The following TAFA5 variants were observed in gnomAD, a reference collection of about 807,000 sequenced individuals.
TAFA5 encodes the protein chemokine-like protein TAFA-5.
TAFA5 carries 6 observed loss-of-function variants against 15.3 expected under a neutral mutation model. The observed-to-expected ratio is 0.39, with a 90% CI of 0.21 to 0.77. The LOEUF (loss-of-function observed/expected upper bound fraction) is 0.77. Among genes scored for constraint, TAFA5 ranks in the 30% least tolerant of loss-of-function variants. TAFA5 has a pLI of 0.41. For synonymous variants in TAFA5, 103 were observed against 80.7 expected, an observed-to-expected ratio of 1.28 and a Z score of -1.48; for missense variants, 161 against 193.1, an observed-to-expected ratio of 0.83 and a Z score of 0.98.
intron 1 of TAFA5, among the ~76,000 whole-genome samples, chr22:48,606,878 C>T (rs1925211938): frequency 1.3e-5 from 2 of 152,232 alleles, no homozygotes; most frequent in Non-Finnish European, 2.9e-5. Flanking sequence ...CCCGTGATGG[C>T]TGGTGCCAGG....
At chr22:48,508,668 T>G (rs1921100222) in intron 1 of TAFA5, among the ~76,000 whole-genome samples, 1 of 152,200 alleles carries the variant, frequency 6.6e-6, no homozygotes, top group African/African-American at 2.4e-5. Context: ...CTGATATTTT[T>G]CTCTTTTTGT....
chr22:48,656,283 T>C (rs979463410), intron 2 of TAFA5, among the ~76,000 whole-genome samples: 6 of 151,944 alleles, frequency 3.9e-5, no homozygotes, highest in Non-Finnish European at 8.8e-5. Flanking sequence ...CTTGTAATAC[T>C]CCCATTATTA....
chr22:48,727,467 CA>C (rs894171301), intron 3 of TAFA5, among the ~76,000 whole-genome samples: 5 of 152,024 alleles, frequency 3.3e-5, no homozygotes, highest in African/African-American at 4.8e-5. Context: ...CAAATAGAGA[CA>C]AAATATAATT....
rs1027109464 is a variant in TAFA5, at chr22:48,750,078, C to T, written c.*231C>T. Reference sequence around the variant, plus strand: ...CACATAGGCGGGGGGCGGCACCTGGCATCAGCAATACGCAGTCTGTGGGAG... The same window carrying T: ...CACATAGGCGGGGGGCGGCACCTGGTATCAGCAATACGCAGTCTGTGGGAG... On this transcript the variant is annotated 3_prime_UTR_variant, in exon 4 of 4. Coordinates refer to ENST00000402357, the MANE Select transcript of TAFA5 (RefSeq NM_001082967.3). 1.9e-5 allele frequency: 11 copies of T among 589,364 alleles called. No individual in the cohort carries two copies. Among genetic ancestry groups the T allele is most frequent in the African/African-American group, 7.5e-5 (4 of 53,368 alleles). 36.5% of individuals were successfully genotyped at this position (589,364 alleles called of 1,614,324 possible).
intron 3 of TAFA5, among the ~76,000 whole-genome samples, chr22:48,714,677 A>G (rs1004649605): frequency 5.9e-5 from 9 of 152,252 alleles, no homozygotes; most frequent in African/African-American, 2.2e-4. Flanking sequence ...CTGAGGGCTC[A>G]GTCAAGAGAC....
chr22:48,589,937 G>A (rs1422243380), intron 1 of TAFA5, among the ~76,000 whole-genome samples: 17 of 152,106 alleles, frequency 1.1e-4, no homozygotes, highest in Admixed American at 8.5e-4. Flanking sequence ...CAGAGGAACC[G>A]GATATAGCAG....
chr22:48,718,476 G>A (rs990910731), intron 3 of TAFA5, among the ~76,000 whole-genome samples: 1 of 152,106 alleles, frequency 6.6e-6, no homozygotes, highest in African/African-American at 2.4e-5. Flanking sequence ...GGGAGGACAT[G>A]GGCCTGGCAG....
At chr22:48,681,303 C>T (rs1171361773) in intron 2 of TAFA5, among the ~76,000 whole-genome samples, 2 of 152,064 alleles carry the variant, frequency 1.3e-5, no homozygotes, top group Non-Finnish European at 2.9e-5. Context: ...TGAGGACACG[C>T]ACAGCTCAGC....
At chr22:48,603,466 G>A (rs556555988) in intron 1 of TAFA5, among the ~76,000 whole-genome samples, 2 of 152,340 alleles carry the variant, frequency 1.3e-5, no homozygotes, top group South Asian at 4.1e-4. Context: ...TTGTGCCCCT[G>A]CCTGCTGGTG....
intron 3 of TAFA5, among the ~76,000 whole-genome samples, chr22:48,724,213 CAG>C (rs1430740209): frequency 6.6e-5 from 10 of 152,214 alleles, no homozygotes; most frequent in East Asian, 1.9e-4. Context: ...AGGAGAGACT[CAG>C]GGTACTGCTT....
At chr22:48,667,283 C>T (rs955196076) in intron 2 of TAFA5, among the ~76,000 whole-genome samples, 20 of 152,012 alleles carry the variant, frequency 1.3e-4, no homozygotes, top group African/African-American at 4.6e-4. Flanking sequence ...GCTTGGGTAC[C>T]ACCTAACGGT....
intron 3 of TAFA5, among the ~76,000 whole-genome samples, chr22:48,748,904 A>C (rs1289068665): frequency 6.6e-6 from 1 of 152,192 alleles, no homozygotes; most frequent in Non-Finnish European, 1.5e-5. Context: ...GGGTGGGCTC[A>C]GAACTTTCAG....
intron 1 of TAFA5, among the ~76,000 whole-genome samples, chr22:48,577,481 C>A (rs1438966853): frequency 6.6e-6 from 1 of 152,182 alleles, no homozygotes; most frequent in Non-Finnish European, 1.5e-5. Flanking sequence ...AGTGCTCTGG[C>A]ACACAGGCTG....
At chr22:48,708,556 G>T (rs1247326365) in intron 3 of TAFA5, among the ~76,000 whole-genome samples, 2 of 152,224 alleles carry the variant, frequency 1.3e-5, no homozygotes, top group African/African-American at 4.8e-5. Flanking sequence ...CAGAGGAGGG[G>T]AGCCCACGCC....
chr22:48,514,588 T>C (rs1213089863), intron 1 of TAFA5, among the ~76,000 whole-genome samples: 1 of 152,030 alleles, frequency 6.6e-6, no homozygotes, highest in Admixed American at 6.5e-5. Flanking sequence ...CTGCAGACCC[T>C]GCCCAGGGAG....
intron 2 of TAFA5, among the ~76,000 whole-genome samples, chr22:48,674,908 T>A (rs1927922966): frequency 6.6e-6 from 1 of 151,580 alleles, no homozygotes; most frequent in Non-Finnish European, 1.5e-5. Flanking sequence ...AGAGACTGCG[T>A]AGCCACAGAG....
At chr22:48,608,492 G>A (rs572772509) in intron 1 of TAFA5, among the ~76,000 whole-genome samples, 3 of 152,138 alleles carry the variant, frequency 2.0e-5, no homozygotes, top group South Asian at 4.1e-4. Context: ...TTGGGGCCAC[G>A]TGGATTGGTG....
intron 1 of TAFA5, among the ~76,000 whole-genome samples, chr22:48,615,828 C>T (rs1925583400): frequency 6.6e-6 from 1 of 152,194 alleles, no homozygotes; most frequent in Non-Finnish European, 1.5e-5. Flanking sequence ...AGAACCCCCT[C>T]CCAGCCAGCC....
At chr22:48,687,825 G>A (rs1031200614) in intron 2 of TAFA5, among the ~76,000 whole-genome samples, 1 of 152,132 alleles carries the variant, frequency 6.6e-6, no homozygotes, top group African/African-American at 2.4e-5. Context: ...TCCCTGGGCT[G>A]CCCCAGGCTC....
Sources: gnomAD v4.1 joint callset for allele counts (sites outside exome capture counted in the v4.1 genomes callset) on GRCh38, gnomAD v4.1.1 for gene constraint, MANE v1.5 for transcripts, NCBI Gene and HGNC (gene_info 2026-07-23, HGNC 2026-07-21) for gene names.